The following VPS50 variants were observed in gnomAD, a reference collection of about 807,000 sequenced individuals.
VPS50 encodes the protein syndetin.
Under a neutral mutation model 139.7 loss-of-function variants are expected in VPS50, and 70 were observed. The observed-to-expected ratio is 0.50, with a 90% confidence interval of 0.41 to 0.61. VPS50 has a LOEUF of 0.61. Among genes scored for constraint, VPS50 ranks in the 20% least tolerant of loss-of-function variants. VPS50 has a pLI of 0.00. For missense variants in VPS50, 921 were observed against 1,133.7 expected (o/e 0.81, Z 2.69); for synonymous variants, 365 against 376.7 (o/e 0.97, Z 0.36).
At chr7:93,286,760 C>T (rs1338281552) in intron 12 of VPS50, among the ~76,000 whole-genome samples, 2 of 151,918 alleles carry the variant, frequency 1.3e-5, no homozygotes, top group Admixed American at 6.6e-5. Flanking sequence ...ATAAAATTCT[C>T]GATTTGAAAT....
At chr7:93,350,685 G>A (rs971587488) in intron 25 of VPS50, among the ~76,000 whole-genome samples, 2 of 151,716 alleles carry the variant, frequency 1.3e-5, no homozygotes, top group Admixed American at 1.3e-4. Flanking sequence ...GAATAATGCT[G>A]TGAAAAAAAA....
intron 21 of VPS50, among the ~76,000 whole-genome samples, chr7:93,324,978 G>A (rs1212865635): frequency 6.6e-6 from 1 of 152,052 alleles, no homozygotes; most frequent in Admixed American, 6.6e-5. Context: ...AAAAGAGCCT[G>A]CATCGCCAAG....
chr7:93,355,694 G>C (rs894579719), intron 26 of VPS50, among the ~76,000 whole-genome samples, 197 bp from the exon 27 acceptor site: 5 of 152,104 alleles, frequency 3.3e-5, no homozygotes, highest in Admixed American at 6.6e-5. Flanking sequence ...AGAAAACTGA[G>C]GCCCGCATAG....
At chr7:93,291,542 A>T (rs1025693724) in intron 12 of VPS50, among the ~76,000 whole-genome samples, 161 bp from the exon 13 acceptor site, 6 of 151,814 alleles carry the variant, frequency 4.0e-5, no homozygotes, top group Non-Finnish European at 7.4e-5. Context: ...TTATTTAAAA[A>T]TTTTTTTTCT....
chr7:93,305,799 G>C (rs754788746), intron 17 of VPS50, 29 bp from the exon 18 acceptor site: 3 of 1,580,046 alleles, frequency 1.9e-6, no homozygotes, highest in Non-Finnish European at 8.7e-7. Context: ...TGTTGCTAAA[G>C]GGTATCTGGC....
At chr7:93,237,733 A>C (rs1794857803) in intron 1 of VPS50, among the ~76,000 whole-genome samples, 1 of 152,214 alleles carries the variant, frequency 6.6e-6, no homozygotes, top group Non-Finnish European at 1.5e-5. Context: ...TTTTCCACTT[A>C]TAATGGGTTT....
intron 26 of VPS50, 66 bp downstream of exon 26, chr7:93,353,827 G>A (rs752687110): frequency 4.0e-5 from 48 of 1,204,480 alleles, no homozygotes; most frequent in East Asian, 7.2e-5. Context: ...AATAACATAC[G>A]GTATTAATGG....
At chr7:93,298,922 C>T (rs939036080) in intron 16 of VPS50, among the ~76,000 whole-genome samples, 1 of 152,102 alleles carries the variant, frequency 6.6e-6, no homozygotes, top group Admixed American at 6.6e-5. Context: ...ATTGGCAAAT[C>T]CTTTAACCTC....
At chr7:93,289,764 A>G (rs957671907) in intron 12 of VPS50, among the ~76,000 whole-genome samples, 5 of 152,040 alleles carry the variant, frequency 3.3e-5, no homozygotes, top group Non-Finnish European at 7.4e-5. Flanking sequence ...TGTAAAGAAA[A>G]CACTATCTTC....
intron 4 of VPS50, among the ~76,000 whole-genome samples, chr7:93,254,297 T>TTGC: frequency 6.6e-6 from 1 of 152,332 alleles, no homozygotes; most frequent in East Asian, 1.9e-4. Context: ...TGAGACAGGG[T>TTGC]CTTGCTCTGT....
At chr7:93,249,381 A>C (rs1795251040) in intron 2 of VPS50, among the ~76,000 whole-genome samples, 1 of 152,094 alleles carries the variant, frequency 6.6e-6, no homozygotes, top group South Asian at 2.1e-4. Context: ...AGGCATGAAG[A>C]GACTAAGTTG....
rs975232414 is a variant in VPS50 at position 93,296,750 on chromosome 7, G to A, written c.1176G>A (p.Gln392=). The change falls in exon 15 of 28, where the codon CAG becomes CAA. Residue 392 remains glutamine, a synonymous_variant. Transcript: ENST00000305866. ...HGLTRIWQDV[Q]LKVKTYLLGT... ...TTTTCTTTGCCTTACAGGATGTTCA[G>A]CTAAAAGTAAAAACCTACTTGCTTG... 6.2e-7 allele frequency: 1 copy of A among 1,600,574 alleles called. No individual in the cohort carries two copies. The highest frequency in any genetic ancestry group is 1.3e-5 in the African/African-American group (1 of 74,292).
chr7:93,259,678 T>TACA, intron 9 of VPS50, 46 bp downstream of exon 9: 1 of 939,356 alleles, frequency 1.1e-6, no homozygotes, highest in Non-Finnish European at 1.7e-6. Flanking sequence ...TGTCAGCTTC[T>TACA]TATGTAGCAG....
intron 20 of VPS50, among the ~76,000 whole-genome samples, chr7:93,312,514 T>A (rs1797299464): frequency 6.6e-6 from 1 of 152,190 alleles, no homozygotes; most frequent in Non-Finnish European, 1.5e-5. Context: ...AGTAGAAGTA[T>A]CTTCCCTAAG....
chr7:93,288,430 T>C (rs957291715), intron 12 of VPS50, among the ~76,000 whole-genome samples: 1 of 152,190 alleles, frequency 6.6e-6, no homozygotes, highest in Non-Finnish European at 1.5e-5. Flanking sequence ...AAATAATCCT[T>C]TAATAAATAA....
intron 9 of VPS50, among the ~76,000 whole-genome samples, chr7:93,267,182 T>C (rs1795866765): frequency 6.6e-6 from 1 of 152,212 alleles, no homozygotes; most frequent in South Asian, 2.1e-4. Flanking sequence ...AAATATTCCC[T>C]AAAGGAAAAT....
chr7:93,249,861 G>A (rs1162008398), intron 2 of VPS50, among the ~76,000 whole-genome samples: 1 of 152,122 alleles, frequency 6.6e-6, no homozygotes, highest in Admixed American at 6.6e-5. Flanking sequence ...CATGGAGGCT[G>A]CCTGTTGATA....
At position 93,326,017 on chromosome 7, in the gene VPS50, A is replaced by G. The variant is rs549799921; in HGVS notation, c.1977+2285A>G. On this transcript the variant is annotated intron_variant, in intron 21 of 27. Coordinates refer to ENST00000305866, the MANE Select transcript of VPS50 (RefSeq NM_017667.4). The stretch of plus-strand genomic sequence containing the variant: ...GCACACGTATGTTTATTGTGGCACT[A>G]TTCACAATGGCAAAGACTTGGAACC... Among the ~76,000 whole-genome samples the G allele has an allele frequency of 3.9e-5, 6 of 152,180 alleles. No individual in the cohort carries two copies. The East Asian group carries it at 9.7e-4, about 25-fold the overall frequency.
At chr7:93,232,818 C>A (rs964876041) in intron 1 of VPS50, among the ~76,000 whole-genome samples, 1 of 152,188 alleles carries the variant, frequency 6.6e-6, no homozygotes, top group Non-Finnish European at 1.5e-5. Flanking sequence ...AGGTCTTCCG[C>A]ATCCAGGCTG....
Sources: allele counts gnomAD v4.1 joint callset (sites outside exome capture counted in the v4.1 genomes callset), GRCh38; gene constraint gnomAD v4.1.1; transcripts MANE v1.5; gene names NCBI Gene and HGNC (gene_info 2026-07-23, HGNC 2026-07-21).